BMPER: variants seen among roughly 807,000 people sequenced by gnomAD.
The protein encoded by BMPER is BMP-binding endothelial regulator protein.
In BMPER, 45 loss-of-function variants were observed where a neutral mutation model predicts 87.3. The observed-to-expected ratio is 0.52, with a 90% confidence interval of 0.41 to 0.66. The LOEUF (loss-of-function observed/expected upper bound fraction) is 0.66. Ranked by LOEUF, BMPER falls within the 30% of genes least tolerant of loss-of-function variation. BMPER has a pLI of 0.00. For synonymous variants in BMPER, 326 were observed against 316.2 expected (o/e 1.03, Z -0.33); for missense variants, 784 against 867.5 (o/e 0.90, Z 1.21).
chr7:33,934,517 CA>C (rs11340819), intron 2 of BMPER, among the ~76,000 whole-genome samples: 3,616 of 59,304 alleles, frequency 0.061, 47 homozygotes, highest in Admixed American at 0.095. Flanking sequence ...TGTGTGTGTA[CA>C]AAAAAAAAAA....
intron 13 of BMPER, among the ~76,000 whole-genome samples, chr7:34,128,009 T>G (rs2127990804): frequency 6.6e-6 from 1 of 152,336 alleles, no homozygotes; most frequent in East Asian, 1.9e-4. Context: ...ATTACTTAAA[T>G]AATGTTTGTG....
intron 8 of BMPER, among the ~76,000 whole-genome samples, chr7:34,054,155 A>G (rs1193388800): frequency 1.3e-5 from 2 of 152,106 alleles, no homozygotes; most frequent in Non-Finnish European, 2.9e-5. Flanking sequence ...CTCCCTTCTT[A>G]CATTGCGAAG....
chr7:34,020,598 T>C (rs1352089131), intron 6 of BMPER, among the ~76,000 whole-genome samples: 2 of 151,950 alleles, frequency 1.3e-5, no homozygotes, highest in African/African-American at 4.8e-5. Flanking sequence ...CATGTGCTTC[T>C]AATGTACATG....
Position 33,906,890 on chromosome 7 carries a change from T to C in BMPER, c.206T>C (p.Met69Thr), listed in dbSNP as rs768671723. The C allele has an allele frequency of 3.7e-6, 6 of 1,613,058 alleles. No individual in the cohort carries two copies. Among genetic ancestry groups the C allele is most frequent in the African/African-American group, 1.3e-5 (1 of 74,898 alleles). Reference sequence around the variant, plus strand: ...TTTATCACAGACAACCCTTGCATAATGTGTGTCTGCTTGGTAAGTGTGGAG... The same window carrying C: ...TTTATCACAGACAACCCTTGCATAACGTGTGTCTGCTTGGTAAGTGTGGAG... ...IPFITDNPCI[M>T]CVCLNKEVTC... Residue 69 changes from methionine (M) to threonine (T), a missense_variant, in exon 2 of 15, where the codon ATG (methionine) becomes ACG (threonine). By Grantham distance (81) the Met-to-Thr change is moderately conservative (BLOSUM62 -1). Transcript: ENST00000649409.
intron 2 of BMPER, among the ~76,000 whole-genome samples, chr7:33,927,042 G>T (rs1784376952): frequency 6.6e-6 from 1 of 152,232 alleles, no homozygotes; most frequent in Non-Finnish European, 1.5e-5. Flanking sequence ...ATTGCTGGTG[G>T]TCAGGGTCAA....
chr7:34,058,554 T>G (rs1418528298), intron 10 of BMPER, among the ~76,000 whole-genome samples: 1 of 152,252 alleles, frequency 6.6e-6, no homozygotes, highest in Non-Finnish European at 1.5e-5. Context: ...AAGTAATATG[T>G]GGTTTATTTA....
chr7:33,917,111 G>C (rs1277537045), intron 2 of BMPER, among the ~76,000 whole-genome samples: 1 of 152,130 alleles, frequency 6.6e-6, no homozygotes, highest in Non-Finnish European at 1.5e-5. Flanking sequence ...AAATGTCCCT[G>C]ACAAGGCAGG....
At chr7:34,065,522 A>G (rs1788566732) in intron 11 of BMPER, among the ~76,000 whole-genome samples, 1 of 152,190 alleles carries the variant, frequency 6.6e-6, no homozygotes, top group South Asian at 2.1e-4. Flanking sequence ...GCATGGGTGA[A>G]TGCAGACATG....
At chr7:34,072,996 T>G (rs1337542942) in intron 11 of BMPER, among the ~76,000 whole-genome samples, 1 of 152,212 alleles carries the variant, frequency 6.6e-6, no homozygotes, top group African/African-American at 2.4e-5. Flanking sequence ...TCTGAGAGCA[T>G]TCATTAATTA....
rs1244854471 is a variant in BMPER, at chr7:33,993,620, G to T, written c.576+18836G>T. Among the ~76,000 whole-genome samples, 8 of 152,024 alleles carry T rather than the reference G, an allele frequency of 5.3e-5. 2 individuals carry two copies. The highest frequency in any genetic ancestry group is 1.7e-4 in the African/African-American group (7 of 41,448). ...GTCTGAAGCCTTCTTCTCTCAGCTC[G>T]TCAAAGTCATTCTCCATCCAGCTTT... On this transcript the variant is annotated intron_variant, in intron 6 of 14. Coordinates refer to ENST00000649409, the MANE Select transcript of BMPER (RefSeq NM_001365308.1).
chr7:33,951,915 A>C (rs1290304815), intron 3 of BMPER, among the ~76,000 whole-genome samples: 1 of 152,142 alleles, frequency 6.6e-6, no homozygotes, highest in Non-Finnish European at 1.5e-5. Context: ...AAAATGACTG[A>C]ATGTCTACCA....
rs756780897 is a variant in BMPER at position 34,063,932 on chromosome 7, A to T, written c.1078+1885A>T. Among the ~76,000 whole-genome samples, 16 of 152,328 alleles carry T rather than the reference A, an allele frequency of 1.1e-4. No homozygotes were observed. In the South Asian group the frequency reaches 3.3e-3, roughly 32 times the overall value. ...ACTCTTTCAATTTGCATGAGCACAG[A>T]CTCATTACCTCTGCCAATCACATTG... is the stretch of plus-strand genomic sequence containing the variant. On this transcript the variant is annotated intron_variant, in intron 11 of 14. Transcript: ENST00000649409.
At chr7:34,085,725 T>G (rs772624977) in intron 12 of BMPER, 31 bp from the exon 13 acceptor site, 1 of 1,571,470 alleles carries the variant, frequency 6.4e-7, no homozygotes, top group Non-Finnish European at 8.7e-7. Context: ...TAATGAGTGA[T>G]TGATTTCCTT....
At chr7:33,909,513 C>T (rs949870852) in intron 2 of BMPER, among the ~76,000 whole-genome samples, 9 of 151,762 alleles carry the variant, frequency 5.9e-5, no homozygotes, top group South Asian at 2.1e-4. Flanking sequence ...CTGCAGGGAG[C>T]GTTAGTGGTT....
At chr7:33,942,861 G>A (rs6462518) in intron 3 of BMPER, among the ~76,000 whole-genome samples, 55,140 of 151,912 alleles carry the variant, frequency 0.36, 10,382 homozygotes, top group African/African-American at 0.46. Flanking sequence ...AATGACCAAG[G>A]AAACATCACT....
intron 6 of BMPER, among the ~76,000 whole-genome samples, chr7:34,006,932 A>G (rs1169674429): frequency 6.6e-6 from 1 of 152,054 alleles, no homozygotes; most frequent in Admixed American, 6.6e-5. Flanking sequence ...GTCAGGCTAA[A>G]TGTCTCTCAT....
At chr7:34,053,063 A>G (rs143531094) in intron 8 of BMPER, among the ~76,000 whole-genome samples, 1 of 151,792 alleles carries the variant, frequency 6.6e-6, no homozygotes, top group Non-Finnish European at 1.5e-5. Context: ...AACATATCAC[A>G]CTCCCAATTC....
At position 34,046,384 on chromosome 7, in the gene BMPER, C is replaced by T. The variant is rs780360088; in HGVS notation, c.655C>T (p.Gln219Ter). The T allele has an allele frequency of 8.1e-6, 13 of 1,613,958 alleles. No individual in the cohort carries two copies. The highest frequency in any genetic ancestry group is 1.1e-5 in the Non-Finnish European group (13 of 1,179,846). ...GCACCTTAGTCACATACCCCCAGGACAGTGCTGCCCCAAATGTTTGGGTGA... is the reference window on the plus strand; with the variant it reads ...GCACCTTAGTCACATACCCCCAGGATAGTGCTGCCCCAAATGTTTGGGTGA... Reference protein sequence around the residue: ...PQHLSHIPPGQCCPKCLGQRK... With the variant: ...PQHLSHIPPG Residue 219 changes from glutamine to a stop codon, truncating the protein, a stop_gained, in exon 7 of 15, where the codon CAG becomes TAG. Coordinates refer to ENST00000649409, the MANE Select transcript of BMPER (RefSeq NM_001365308.1). LOFTEE classifies it high-confidence loss of function.
chr7:34,074,501 A>G (rs193069056), intron 11 of BMPER, among the ~76,000 whole-genome samples: 1 of 152,302 alleles, frequency 6.6e-6, no homozygotes, highest in African/African-American at 2.4e-5. Flanking sequence ...TTCTTCACTC[A>G]AGCTTGGCAT....
Sources: allele counts gnomAD v4.1 joint callset (sites outside exome capture counted in the v4.1 genomes callset), GRCh38; gene constraint gnomAD v4.1.1; transcripts MANE v1.5; gene names NCBI Gene and HGNC (gene_info 2026-07-23, HGNC 2026-07-21).